The following CALN1 variants were observed in gnomAD, a reference collection of about 807,000 sequenced individuals.
CALN1 encodes calneuron 1.
Under a neutral mutation model 30.6 loss-of-function variants are expected in CALN1, and 17 were observed. The ratio of observed to expected loss-of-function variants is 0.56; its 90% CI spans 0.38 to 0.83. The LOEUF (loss-of-function observed/expected upper bound fraction) is 0.83, where lower values mean the gene tolerates loss of function less well. Ranked by LOEUF, CALN1 falls within the 40% of genes least tolerant of loss-of-function variation. The pLI is 0.00. For synonymous variants in CALN1, 156 were observed against 131.4 expected, an observed-to-expected ratio of 1.19 and a Z score of -1.28; for missense variants, 291 against 354.9, an observed-to-expected ratio of 0.82 and a Z score of 1.45.
At chr7:72,188,010 C>G (rs1790324090) in intron 3 of CALN1, among the ~76,000 whole-genome samples, 1 of 152,058 alleles carries the variant, frequency 6.6e-6, no homozygotes, top group African/African-American at 2.4e-5. Flanking sequence ...GGAAACACTT[C>G]TACACTGCTG....
At chr7:72,482,292 T>TC in the CALN1 span, among the ~76,000 whole-genome samples, 1 of 152,318 alleles carries the variant, frequency 6.6e-6, no homozygotes, top group East Asian at 1.9e-4. Context: ...TATAAAGGGT[T>TC]CTTGCTTTTT....
chr7:71,811,208 C>T (rs1370313441), intron 5 of CALN1, among the ~76,000 whole-genome samples: 3 of 151,698 alleles, frequency 2.0e-5, no homozygotes, highest in Admixed American at 6.6e-5. Flanking sequence ...AATTATGTAT[C>T]GTTTAAAAAA....
At chr7:71,994,021 G>T (rs1301945394) in intron 5 of CALN1, among the ~76,000 whole-genome samples, 1 of 152,036 alleles carries the variant, frequency 6.6e-6, no homozygotes, top group African/African-American at 2.4e-5. Context: ...TATTCATAAA[G>T]TTAATGGAAT....
intron 5 of CALN1, among the ~76,000 whole-genome samples, chr7:71,997,594 A>T (rs547139541): frequency 2.6e-5 from 4 of 152,298 alleles, no homozygotes; most frequent in African/African-American, 9.6e-5. Context: ...ATACAGAAAA[A>T]ATCCAAATAA....
intron 5 of CALN1, among the ~76,000 whole-genome samples, chr7:71,840,547 T>C (rs572863729): frequency 9.0e-5 from 13 of 144,572 alleles, no homozygotes; most frequent in African/African-American, 3.3e-4. Context: ...CTTCTTAACA[T>C]CCTGCAGGGC....
upstream of CALN1, among the ~76,000 whole-genome samples, chr7:72,416,890 CA>C (rs1189688465): frequency 6.6e-6 from 1 of 152,106 alleles, no homozygotes; most frequent in Non-Finnish European, 1.5e-5. Flanking sequence ...TGGGCTAGGC[CA>C]GGAGGCAGAG....
intron 2 of CALN1, among the ~76,000 whole-genome samples, chr7:72,396,313 C>T (rs901387517): frequency 1.4e-5 from 2 of 146,272 alleles, no homozygotes; most frequent in Admixed American, 6.8e-5. Flanking sequence ...ATCCCAGCTA[C>T]TCGGAATGCT....
At chr7:72,311,362 T>C (rs1055981223) in intron 2 of CALN1, among the ~76,000 whole-genome samples, 1 of 152,204 alleles carries the variant, frequency 6.6e-6, no homozygotes, top group African/African-American at 2.4e-5. Flanking sequence ...CAGTCAACAA[T>C]AGGCTATTAG....
chr7:72,222,285 ATT>A lies in CALN1; in HGVS notation c.244+56399_244+56400del, dbSNP rs978250655. 8.5e-5 allele frequency among the ~76,000 whole-genome samples: 13 copies of A among 152,144 alleles called. 1 individual carries two copies. Among genetic ancestry groups the A allele is most frequent in the Non-Finnish European group, 1.8e-4 (12 of 68,016 alleles). ...GGAAAGAAGGTTTAATTGGCTGGCA[ATT>A]CTGGAGCCTATACTGGAAGTGTGAT... is the stretch of plus-strand genomic sequence containing the variant. On this transcript the variant is annotated intron_variant, in intron 3 of 6. Coordinates refer to ENST00000395275, the MANE Select transcript of CALN1 (RefSeq NM_031468.4).
At chr7:72,089,278 C>T (rs1000170060) in intron 4 of CALN1, among the ~76,000 whole-genome samples, 2 of 151,896 alleles carry the variant, frequency 1.3e-5, no homozygotes, top group East Asian at 1.9e-4. Context: ...AAAAATTTTA[C>T]GGCCATCACT....
At chr7:72,384,205 G>T (rs1805074128) in intron 2 of CALN1, among the ~76,000 whole-genome samples, 1 of 152,144 alleles carries the variant, frequency 6.6e-6, no homozygotes, top group African/African-American at 2.4e-5. Flanking sequence ...CCATTATGTG[G>T]ACTTACATAA....
chr7:72,182,157 C>T (rs1177499705), intron 3 of CALN1, among the ~76,000 whole-genome samples: 4 of 152,116 alleles, frequency 2.6e-5, no homozygotes, highest in African/African-American at 4.8e-5. Context: ...TGCCGCTGGT[C>T]TCAGTGTATC....
At chr7:72,296,038 A>G (rs1245882058) in intron 2 of CALN1, among the ~76,000 whole-genome samples, 1 of 152,168 alleles carries the variant, frequency 6.6e-6, no homozygotes, top group African/African-American at 2.4e-5. Flanking sequence ...AATACATCCC[A>G]TCAATACCTA....
chr7:71,917,511 A>G (rs1032919827), intron 5 of CALN1, among the ~76,000 whole-genome samples: 10 of 152,208 alleles, frequency 6.6e-5, no homozygotes, highest in Non-Finnish European at 2.9e-5. Flanking sequence ...TCACACTGCT[A>G]TAAAGAAATA....
chr7:72,311,257 CATTTT>C (rs1360348434), intron 2 of CALN1, among the ~76,000 whole-genome samples: 1 of 152,110 alleles, frequency 6.6e-6, no homozygotes, highest in Non-Finnish European at 1.5e-5. Context: ...TTACTAATAA[CATTTT>C]ATTTTACTTT....
intron 3 of CALN1, among the ~76,000 whole-genome samples, chr7:72,181,106 C>T (rs868848077): frequency 6.3e-5 from 6 of 95,500 alleles, no homozygotes; most frequent in Non-Finnish European, 8.8e-5. Flanking sequence ...ACCCCCCCCC[C>T]CCCCAAAAAA....
At chr7:72,284,865 G>A (rs1335967174) in intron 2 of CALN1, among the ~76,000 whole-genome samples, 1 of 152,074 alleles carries the variant, frequency 6.6e-6, no homozygotes. Flanking sequence ...GATGATGGAT[G>A]GATAGGTAGG....
chr7:72,410,779 G>A (rs1047842599), intron 1 of CALN1, among the ~76,000 whole-genome samples: 2 of 151,850 alleles, frequency 1.3e-5, no homozygotes, highest in African/African-American at 4.8e-5. Context: ...ACACACCTCC[G>A]TATCAGCTCA....
At chr7:72,134,769 C>T (rs1407949241) in intron 3 of CALN1, among the ~76,000 whole-genome samples, 2 of 152,114 alleles carry the variant, frequency 1.3e-5, no homozygotes, top group African/African-American at 4.8e-5. Context: ...AATTTGGCCG[C>T]ACATAGATGG....
Sources: allele counts gnomAD v4.1 joint callset (sites outside exome capture counted in the v4.1 genomes callset), GRCh38; gene constraint gnomAD v4.1.1; transcripts MANE v1.5; gene names NCBI Gene and HGNC (gene_info 2026-07-23, HGNC 2026-07-21).